The following RNF123 variants were observed in gnomAD, a reference collection of about 807,000 sequenced individuals.
RNF123 encodes ring finger protein 123.
In RNF123, 86 loss-of-function variants were observed where a neutral mutation model predicts 168.5. That is an observed-to-expected ratio of 0.51 (90% confidence interval 0.43 to 0.61). The LOEUF (loss-of-function observed/expected upper bound fraction) is 0.61, where lower values mean the gene tolerates loss of function less well. RNF123 is among the 20% of genes least tolerant of loss of function. The probability of loss-of-function intolerance (pLI) is 0.00; values close to 1 mark genes in which losing one functional copy is unlikely to be tolerated. For missense variants in RNF123, 1,419 were observed against 1,729.7 expected (o/e 0.82, Z 3.19); for synonymous variants, 666 against 689.1 (o/e 0.97, Z 0.52).
Position 49,700,365 on chromosome 3 carries a change from A to ACCTCAGG in RNF123, c.1110+24_1110+30dup, listed in dbSNP as rs746094083. On this transcript the variant is annotated intron_variant, in intron 13 of 38. Transcript: ENST00000327697. Reference sequence around the variant, plus strand: ...GCTCTTCATGGAGGTGAGGCTCCTGACCTCAGGCCTCAGGCCTGGCTGTCA... The same window carrying ACCTCAGG: ...GCTCTTCATGGAGGTGAGGCTCCTGACCTCAGGCCTCAGGCCTCAGGCCTGGCTGTCA... 1.2e-6 allele frequency: 2 copies of ACCTCAGG among 1,613,894 alleles called. No individual in the cohort carries two copies. The highest frequency in any genetic ancestry group is 2.2e-5 in the South Asian group (2 of 91,070).
At chr3:49,707,739 C>G (rs547802349) in intron 26 of RNF123, among the ~76,000 whole-genome samples, 1 of 152,118 alleles carries the variant, frequency 6.6e-6, no homozygotes, top group East Asian at 1.9e-4. Flanking sequence ...CAAACCACCT[C>G]CACCTTTTTC....
chr3:49,697,821 T>C (rs2054298407), intron 5 of RNF123, 64 bp from the exon 6 acceptor site: 5 of 1,603,508 alleles, frequency 3.1e-6, no homozygotes, highest in Non-Finnish European at 4.3e-6. Context: ...GATGGGGTCT[T>C]TTTCCCTTGG....
chr3:49,697,801 C>A, intron 5 of RNF123, 84 bp from the exon 6 acceptor site: 1 of 1,541,642 alleles, frequency 6.5e-7, no homozygotes, highest in Non-Finnish European at 9.0e-7. Flanking sequence ...CCAGGGCTGG[C>A]TCAGTTGGGG....
intron 38 of RNF123, 22 bp downstream of exon 38, chr3:49,721,127 G>GTGGT: frequency 1.2e-6 from 2 of 1,614,010 alleles, no homozygotes; most frequent in Non-Finnish European, 8.5e-7. Context: ...CCACAGCTTG[G>GTGGT]TGGTGGGGAG....
In RNF123 at chr3:49,698,281, C is replaced by G. The variant is rs1575522436; in HGVS notation, c.483+144C>G. The G allele has an allele frequency of 4.3e-6, 4 of 919,548 alleles. No homozygotes were observed. In the East Asian group the frequency reaches 1.0e-4, roughly 24 times the overall value. The allele number at this position is 919,548 out of a possible 1,614,324, so 57.0% of individuals were successfully genotyped here. ...CTCTGGAGAAGAAACGTGTCCCACCCAATCCCAGGCACCCCAGCTCAGAGA... is the reference window on the plus strand; with the variant it reads ...CTCTGGAGAAGAAACGTGTCCCACCGAATCCCAGGCACCCCAGCTCAGAGA... On this transcript the variant is annotated intron_variant, in intron 7 of 38. Transcript: ENST00000327697.
chr3:49,697,274 CG>C, intron 4 of RNF123, 52 bp downstream of exon 4: 1 of 1,597,720 alleles, frequency 6.3e-7, no homozygotes, highest in South Asian at 1.1e-5. Context: ...TGGGACGTAG[CG>C]GGCCTGGAGA....
In RNF123 at chr3:49,701,491, C is replaced by T; in HGVS notation, c.1278C>T (p.Leu426=). Residue 426 remains leucine (L), a splice_region_variant and synonymous_variant, in exon 16 of 39, where the codon CTC becomes CTT. Coordinates refer to ENST00000327697, the MANE Select transcript of RNF123 (RefSeq NM_022064.5). The part of the protein sequence containing the change: ...KSRKFLLSNV[L]FDVLRSVVFF... ...AGAGCCCTGCCTTGACACCCGCCAG[C>T]TTCGACGTGCTCCGCTCCGTCGTCT... The T allele has an allele frequency of 6.2e-7, 1 of 1,613,102 alleles. No individual in the cohort carries two copies. The highest frequency in any genetic ancestry group is 8.5e-7 in the Non-Finnish European group (1 of 1,179,464).
At chr3:49,705,390 C>A in intron 23 of RNF123, 144 bp from the exon 24 acceptor site, 4 of 1,300,252 alleles carry the variant, frequency 3.1e-6, no homozygotes, top group Non-Finnish European at 4.2e-6. Flanking sequence ...TGCACTCCAC[C>A]CCTACCCCCA....
At chr3:49,696,642 C>T (rs1417763727) in intron 3 of RNF123, among the ~76,000 whole-genome samples, 15 of 117,964 alleles carry the variant, frequency 1.3e-4, no homozygotes, top group East Asian at 1.3e-3. Context: ...TGGCCACATA[C>T]TTTTTTTTTT....
chr3:49,719,167 A>C (rs1425740551), intron 35 of RNF123: 1 of 1,613,564 alleles, frequency 6.2e-7, no homozygotes, highest in Non-Finnish European at 8.5e-7. Flanking sequence ...GCCGCGACCC[A>C]GCGCATCTAG....
In RNF123 at chr3:49,697,916, G is replaced by A. The variant is rs760608972; in HGVS notation, c.374G>A (p.Arg125His). 9.3e-6 allele frequency: 15 copies of A among 1,614,048 alleles called. No homozygotes were observed. In the South Asian group the frequency reaches 1.4e-4, roughly 15 times the overall value. The change falls in exon 6 of 39, where the codon CGC becomes CAC. Residue 125 changes from arginine (R) to histidine (H), a missense_variant. Arg to His is a conservative substitution (Grantham distance 29). This residue lies in a region of RNF123 where 318 missense variants were observed against 446.6 expected (regional missense o/e 0.71). Transcript: ENST00000327697. ...GGACACAGCAACTTTGGCACCATCCGCTCTACCACATGCGTGTACAAAGGT... is the reference window on the plus strand; with the variant it reads ...GGACACAGCAACTTTGGCACCATCCACTCTACCACATGCGTGTACAAAGGT... Reference protein sequence around the residue: ...VIGHSNFGTIRSTTCVYKGKW... With the variant: ...VIGHSNFGTIHSTTCVYKGKW...
At chr3:49,718,066 C>T (rs2080284771) in intron 35 of RNF123, 1 of 1,613,636 alleles carries the variant, frequency 6.2e-7, no homozygotes, top group South Asian at 1.1e-5. Context: ...CAGCTGCACG[C>T]GGCCATTGAG....
At chr3:49,707,321 T>G (rs1419962675) in intron 26 of RNF123, among the ~76,000 whole-genome samples, 1 of 152,186 alleles carries the variant, frequency 6.6e-6, no homozygotes, top group Non-Finnish European at 1.5e-5. Flanking sequence ...ACTCATTCAC[T>G]TGCTCATTCA....
chr3:49,717,748 G>A, intron 35 of RNF123: 1 of 636,202 alleles, frequency 1.6e-6, no homozygotes, highest in Non-Finnish European at 2.7e-6. Context: ...CCTGTGCAGG[G>A]GCAGAGCAGA....
chr3:49,697,390 C>A lies in RNF123; in HGVS notation c.275C>A (p.Ser92Tyr). ...CAGGTTGAAGGGCGGCTTGGCCCAT[C>A]CACTGTGGTCCTGGACCACACAGGC... Reference protein sequence around the residue: ...QGQVEGRLGPSTVVLDHTGGF... With the variant: ...QGQVEGRLGPYTVVLDHTGGF... The change falls in exon 5 of 39, where the codon TCC (serine) becomes TAC (tyrosine). Residue 92 changes from serine to tyrosine, a missense_variant. Physicochemically the swap from Ser to Tyr is moderately radical, Grantham distance 144. Around this residue, in one of 5 missense-constraint regions of RNF123, gnomAD observed 318 missense variants for 446.6 expected, o/e 0.71. Coordinates refer to ENST00000327697, the MANE Select transcript of RNF123 (RefSeq NM_022064.5). The A allele has an allele frequency of 6.2e-7, 1 of 1,609,840 alleles. No homozygotes were observed. The highest frequency in any genetic ancestry group is 8.5e-7 in the Non-Finnish European group (1 of 1,177,432).
intron 36 of RNF123, 56 bp downstream of exon 36, chr3:49,720,709 C>G (rs1332131598): frequency 6.2e-7 from 1 of 1,602,914 alleles, no homozygotes; most frequent in African/African-American, 1.3e-5. Flanking sequence ...GGGTCAGGAG[C>G]CTTAAGAACA....
intron 3 of RNF123, among the ~76,000 whole-genome samples, chr3:49,695,288 CAG>C (rs1206329034): frequency 6.6e-6 from 1 of 151,814 alleles, no homozygotes; most frequent in Non-Finnish European, 1.5e-5. Context: ...TTTTAAGAGA[CAG>C]GGTCTTACTG....
At position 49,689,937 on chromosome 3, in the gene RNF123, C is replaced by T. The variant is rs560378087; in HGVS notation, c.-37+331C>T. On this transcript the variant is annotated intron_variant, in intron 1 of 38. Transcript: ENST00000327697. ...TCACCTGGGTCCTCAGCAACTGACT[C>T]CCGGAGCCCACTCCGGGTGTCTGGA... 8 of 152,316 alleles carry T rather than the reference C, an allele frequency of 5.3e-5. No individual in the cohort carries two copies. The South Asian group carries it at 1.5e-3, about 28-fold the overall frequency. The allele number at this position is 152,316 out of a possible 1,614,324, so 9.4% of individuals were successfully genotyped here.
intron 34 of RNF123, 45 bp downstream of exon 34, chr3:49,716,222 G>C (rs2080242350): frequency 6.2e-7 from 1 of 1,602,192 alleles, no homozygotes; most frequent in Non-Finnish European, 8.5e-7. Flanking sequence ...ACAGGCCTCG[G>C]TTCCTCTGCT....
Sources: gnomAD v4.1 joint callset for allele counts (sites outside exome capture counted in the v4.1 genomes callset) on GRCh38, gnomAD v4.1.1 for gene constraint, gnomAD v4.1.1 regional missense constraint, MANE v1.5 for transcripts, NCBI Gene and HGNC (gene_info 2026-07-23, HGNC 2026-07-21) for gene names.